PLXNA4: variants seen among roughly 807,000 people sequenced by gnomAD.
PLXNA4 encodes plexin A4.
In PLXNA4, 44 loss-of-function variants were observed where a neutral mutation model predicts 191.8. That is an observed-to-expected ratio of 0.23 (90% CI 0.18 to 0.29). PLXNA4 has a LOEUF of 0.29. Among genes scored for constraint, PLXNA4 ranks in the 10% least tolerant of loss-of-function variants. The pLI, the probability that PLXNA4 is intolerant of heterozygous loss-of-function variation, is 1.00. For missense variants in PLXNA4, 1,800 were observed against 2,488.8 expected, an observed-to-expected ratio of 0.72 and a Z score of 5.89; for synonymous variants, 1,082 against 1,009.5, an observed-to-expected ratio of 1.07 and a Z score of -1.36.
chr7:132,321,754 G>A (rs1429297888), intron 3 of PLXNA4, among the ~76,000 whole-genome samples: 2 of 152,150 alleles, frequency 1.3e-5, no homozygotes, highest in Admixed American at 6.5e-5. Flanking sequence ...GGGTGGGGAG[G>A]GGCAAAAAGG....
chr7:132,249,119 G>A (rs1799159553), intron 4 of PLXNA4, among the ~76,000 whole-genome samples: 1 of 152,258 alleles, frequency 6.6e-6, no homozygotes, highest in African/African-American at 2.4e-5. Flanking sequence ...TTGGGGAGCT[G>A]AGGTTCCAAG....
At chr7:132,239,690 C>T (rs1232743189) in intron 5 of PLXNA4, among the ~76,000 whole-genome samples, 1 of 152,196 alleles carries the variant, frequency 6.6e-6, no homozygotes, top group African/African-American at 2.4e-5. Flanking sequence ...CTGAATGCAA[C>T]CTCTGCCATC....
At chr7:132,463,755 T>C (rs1214359436) in intron 3 of PLXNA4, among the ~76,000 whole-genome samples, 4 of 152,236 alleles carry the variant, frequency 2.6e-5, no homozygotes, top group African/African-American at 7.2e-5. Flanking sequence ...CACATGCCCC[T>C]GATTCTTTCA....
At chr7:132,421,590 T>TTTTTA (rs1563089334) in intron 3 of PLXNA4, among the ~76,000 whole-genome samples, 2 of 152,016 alleles carry the variant, frequency 1.3e-5, no homozygotes, top group African/African-American at 4.8e-5. Flanking sequence ...TTTTTTTTTT[T>TTTTTA]ACCACAGCTT....
chr7:132,142,553 A>G (rs1272784384), intron 29 of PLXNA4, among the ~76,000 whole-genome samples: 1 of 152,234 alleles, frequency 6.6e-6, no homozygotes, highest in Non-Finnish European at 1.5e-5. Context: ...AAGACTGCCA[A>G]TCAGTCGACA....
intron 2 of PLXNA4, among the ~76,000 whole-genome samples, chr7:132,615,657 C>T (rs1269276849): frequency 6.6e-6 from 1 of 152,294 alleles, no homozygotes; most frequent in African/African-American, 2.4e-5. Flanking sequence ...CCTTCTGCGG[C>T]CCATTGGAGT....
chr7:132,385,889 A>G lies in PLXNA4; in HGVS notation c.1372-87667T>C, dbSNP rs192462611. On this transcript the variant is annotated intron_variant, in intron 3 of 31. Transcript: ENST00000321063. Reference sequence around the variant, plus strand: ...GCACAAATCAAAATCTATCCACTCAATTAAATCTGAACCTAGCTGGAATCA... The same window carrying G: ...GCACAAATCAAAATCTATCCACTCAGTTAAATCTGAACCTAGCTGGAATCA... Among the ~76,000 whole-genome samples, 10 of 152,332 alleles carry G rather than the reference A, an allele frequency of 6.6e-5. No homozygotes were observed. The East Asian group carries it at 1.7e-3, about 26-fold the overall frequency.
intron 3 of PLXNA4, among the ~76,000 whole-genome samples, chr7:132,349,183 C>A (rs574041252): frequency 6.6e-6 from 1 of 152,220 alleles, no homozygotes; most frequent in East Asian, 1.9e-4. Flanking sequence ...TTATTGAGCT[C>A]TTTTTTCCCC....
At chr7:132,350,987 T>C (rs918157392) in intron 3 of PLXNA4, among the ~76,000 whole-genome samples, 14 of 152,216 alleles carry the variant, frequency 9.2e-5, no homozygotes, top group Non-Finnish European at 2.1e-4. Context: ...CATGCTACAA[T>C]GTGGCTAAAC....
chr7:132,466,594 G>C (rs935979541), intron 3 of PLXNA4, among the ~76,000 whole-genome samples: 2 of 152,184 alleles, frequency 1.3e-5, no homozygotes, highest in Non-Finnish European at 2.9e-5. Flanking sequence ...AGCCCCATTG[G>C]GTCCAGCCCT....
chr7:132,300,313 G>A (rs1801256571), intron 3 of PLXNA4, among the ~76,000 whole-genome samples: 1 of 151,954 alleles, frequency 6.6e-6, no homozygotes, highest in Admixed American at 6.6e-5. Context: ...TCCCGGTGGT[G>A]GCCACCTAAA....
intron 3 of PLXNA4, among the ~76,000 whole-genome samples, chr7:132,335,468 T>C (rs936404685): frequency 1.4e-4 from 22 of 152,334 alleles, no homozygotes; most frequent in African/African-American, 4.3e-4. Flanking sequence ...TCATTCTCCT[T>C]CAATGAGTTA....
intron 3 of PLXNA4, among the ~76,000 whole-genome samples, chr7:132,462,756 G>T (rs542544112): frequency 6.6e-6 from 1 of 151,002 alleles, no homozygotes; most frequent in Admixed American, 6.6e-5. Flanking sequence ...ATAATTTTTT[G>T]AAGATGATAG....
At chr7:132,530,848 G>A (rs1017910634) in intron 1 of PLXNA4, among the ~76,000 whole-genome samples, 1 of 152,154 alleles carries the variant, frequency 6.6e-6, no homozygotes, top group Non-Finnish European at 1.5e-5. Flanking sequence ...ATCAACAGAT[G>A]AACCAAGAAA....
chr7:132,452,625 T>C (rs548595478), intron 3 of PLXNA4, among the ~76,000 whole-genome samples: 7 of 152,282 alleles, frequency 4.6e-5, no homozygotes, highest in Non-Finnish European at 1.0e-4. Context: ...GGCCTGATAC[T>C]CTACCCTCTC....
At chr7:132,440,911 C>T (rs1795676147) in intron 3 of PLXNA4, among the ~76,000 whole-genome samples, 1 of 152,152 alleles carries the variant, frequency 6.6e-6, no homozygotes. Context: ...GGACAACATC[C>T]GCTTCTAGAA....
chr7:132,178,104 T>C (rs146293210), intron 20 of PLXNA4, among the ~76,000 whole-genome samples: 21 of 152,314 alleles, frequency 1.4e-4, no homozygotes, highest in Non-Finnish European at 2.2e-4. Context: ...TGGTGGTGTT[T>C]GTAATTTTTT....
intron 3 of PLXNA4, among the ~76,000 whole-genome samples, chr7:132,308,163 A>G (rs1801599466): frequency 6.6e-6 from 1 of 152,200 alleles, no homozygotes; most frequent in South Asian, 2.1e-4. Flanking sequence ...TATAAAGAAC[A>G]TACCAGGAAA....
chr7:132,413,197 T>C (rs1159314422), intron 3 of PLXNA4, among the ~76,000 whole-genome samples: 1 of 152,156 alleles, frequency 6.6e-6, no homozygotes, highest in East Asian at 1.9e-4. Context: ...CCAATCGTAC[T>C]GGAACAGAGT....
Sources: allele counts gnomAD v4.1 joint callset (sites outside exome capture counted in the v4.1 genomes callset), GRCh38; gene constraint gnomAD v4.1.1; transcripts MANE v1.5; gene names NCBI Gene and HGNC (gene_info 2026-07-23, HGNC 2026-07-21).